The following RNF115 variants were observed in gnomAD, a reference collection of about 807,000 sequenced individuals.
The protein encoded by RNF115 is ring finger protein 115.
In RNF115, 31 loss-of-function variants were observed where a neutral mutation model predicts 39.2. The observed-to-expected ratio is 0.79, with a 90% CI of 0.59 to 1.07. RNF115 has a LOEUF of 1.07. Among genes scored for constraint, RNF115 ranks in the 50% least tolerant of loss-of-function variants. RNF115 has a pLI of 0.00. For missense variants in RNF115, 384 were observed against 381.7 expected (o/e 1.01, Z -0.05); for synonymous variants, 124 against 131.0 (o/e 0.95, Z 0.37).
intron 1 of RNF115, among the ~76,000 whole-genome samples, chr1:145,812,280 C>T (rs2101605578): frequency 6.6e-6 from 1 of 150,468 alleles, no homozygotes; most frequent in South Asian, 2.1e-4. Flanking sequence ...ATTACCTTGT[C>T]TACTAAGAAG....
chr1:145,770,237 G>C (rs1559112911), intron 4 of RNF115, among the ~76,000 whole-genome samples: 1 of 152,102 alleles, frequency 6.6e-6, no homozygotes, highest in Admixed American at 6.5e-5. Flanking sequence ...AACTTTCTTA[G>C]TATGATAGTG....
At chr1:145,764,493 C>T (rs1264573769) in intron 4 of RNF115, among the ~76,000 whole-genome samples, 1 of 152,002 alleles carries the variant, frequency 6.6e-6, no homozygotes, top group African/African-American at 2.4e-5. Flanking sequence ...GCCGCGACCC[C>T]GTCTGGGAGG....
At chr1:145,764,383 A>G (rs1658662713) in intron 4 of RNF115, among the ~76,000 whole-genome samples, 3 of 130,848 alleles carry the variant, frequency 2.3e-5, no homozygotes, top group African/African-American at 5.8e-5. Context: ...CATCCCATCT[A>G]GGAAGTGAGG....
chr1:145,754,132 T>G (rs1658204041), intron 4 of RNF115, among the ~76,000 whole-genome samples: 1 of 152,230 alleles, frequency 6.6e-6, no homozygotes, highest in African/African-American at 2.4e-5. Context: ...ACTACACTAT[T>G]CCGTTTGTTT....
At chr1:145,759,620 T>C (rs1204893010) in intron 4 of RNF115, among the ~76,000 whole-genome samples, 1 of 152,234 alleles carries the variant, frequency 6.6e-6, no homozygotes, top group Admixed American at 6.5e-5. Context: ...TTAAATGGTT[T>C]CTCTGCTGTG....
At position 145,824,030 on chromosome 1, in the gene RNF115, G is replaced by T; in HGVS notation, c.-157C>A. 1 of 523,952 alleles carries T rather than the reference G, an allele frequency of 1.9e-6. No homozygotes were observed. Among genetic ancestry groups the T allele is most frequent in the Admixed American group, 4.4e-5 (1 of 22,944 alleles). 32.5% of individuals were successfully genotyped at this position (523,952 alleles called of 1,614,324 possible). A position where few individuals can be genotyped will look rare whatever the true frequency, so the allele number is the denominator to read the frequency against. ...ACGTGAGTTGGCCAGGCCCAGAAAC[G>T]CGGCGGCGCCAACAGCTACCCTGCG... On this transcript the variant is annotated 5_prime_UTR_variant, in exon 1 of 9. Transcript: ENST00000582693.
At chr1:145,795,349 A>G (rs1161484414) in intron 1 of RNF115, among the ~76,000 whole-genome samples, 1 of 152,074 alleles carries the variant, frequency 6.6e-6, no homozygotes, top group South Asian at 2.1e-4. Context: ...CACAACGCGG[A>G]AGGGACCCAA....
chr1:145,815,111 T>C (rs1649926673), intron 1 of RNF115, among the ~76,000 whole-genome samples: 1 of 152,302 alleles, frequency 6.6e-6, no homozygotes, highest in Non-Finnish European at 1.5e-5. Flanking sequence ...GCTTTTTAGC[T>C]ACTTTTATTA....
intron 4 of RNF115, among the ~76,000 whole-genome samples, chr1:145,771,178 G>C (rs587766722): frequency 5.9e-5 from 9 of 152,332 alleles, no homozygotes; most frequent in African/African-American, 2.2e-4. Flanking sequence ...TTTAAGAGAT[G>C]AATCTCCTGT....
At chr1:145,814,698 T>G in intron 1 of RNF115, among the ~76,000 whole-genome samples, 1 of 152,256 alleles carries the variant, frequency 6.6e-6, no homozygotes, top group Middle Eastern at 3.4e-3. Flanking sequence ...ATTTTCAGAT[T>G]TTTTTCTTCC....
At chr1:145,823,601 G>A (rs1487055069) in intron 1 of RNF115, among the ~76,000 whole-genome samples, 171 bp downstream of exon 1, 2 of 152,212 alleles carry the variant, frequency 1.3e-5, no homozygotes, top group African/African-American at 4.8e-5. Flanking sequence ...GTACGGGGCC[G>A]AGGCCGTGAT....
At chr1:145,764,435 G>A (rs1342567645) in intron 4 of RNF115, among the ~76,000 whole-genome samples, 1 of 151,566 alleles carries the variant, frequency 6.6e-6, no homozygotes, top group Non-Finnish European at 1.5e-5. Flanking sequence ...TGTGGGGAGC[G>A]CCTCGGCCCC....
rs1650279175 is a variant in RNF115, at chr1:145,822,117, A to C, written c.102+1655T>G. Among the ~76,000 whole-genome samples, 3 of 152,236 alleles carry C rather than the reference A, an allele frequency of 2.0e-5. No individual in the cohort carries two copies. The South Asian group carries it at 6.2e-4, about 32-fold the overall frequency. On this transcript the variant is annotated intron_variant, in intron 1 of 8. Transcript: ENST00000582693. ...CGAGTCGGGTGGATCACTTGAGGTC[A>C]AGAGTTCGAGACCAGCCTGGCCAAC...
chr1:145,783,607 A>G (rs1553717743), intron 3 of RNF115, among the ~76,000 whole-genome samples: 1 of 152,176 alleles, frequency 6.6e-6, no homozygotes, highest in African/African-American at 2.4e-5. Flanking sequence ...AATCCTGATT[A>G]TGGGATTTAA....
At chr1:145,747,368 T>C (rs1657913628) in intron 8 of RNF115, among the ~76,000 whole-genome samples, 2 of 152,116 alleles carry the variant, frequency 1.3e-5, no homozygotes, top group Admixed American at 6.5e-5. Flanking sequence ...GACAGGAAAA[T>C]TGGCCGAGTG....
chr1:145,752,196 T>G (rs1021978410), intron 5 of RNF115, among the ~76,000 whole-genome samples: 1 of 152,156 alleles, frequency 6.6e-6, no homozygotes, highest in South Asian at 2.1e-4. Context: ...TTTAATCCCA[T>G]CATACATAAG....
At chr1:145,747,673 T>C (rs1453279022) in intron 8 of RNF115, among the ~76,000 whole-genome samples, 1 of 152,082 alleles carries the variant, frequency 6.6e-6, no homozygotes, top group Non-Finnish European at 1.5e-5. Flanking sequence ...AGAAAATAAG[T>C]ATTTTAGGCT....
At chr1:145,780,778 G>C (rs1553717236) in intron 3 of RNF115, among the ~76,000 whole-genome samples, 1 of 151,962 alleles carries the variant, frequency 6.6e-6, no homozygotes. Flanking sequence ...GCATACCTGA[G>C]AGCTCTTTTT....
chr1:145,814,192 G>A (rs587698426), intron 1 of RNF115, among the ~76,000 whole-genome samples: 1 of 151,752 alleles, frequency 6.6e-6, no homozygotes, highest in Non-Finnish European at 1.5e-5. Flanking sequence ...CCCAGGAGGT[G>A]GAAGCCGCAG....
Sources: allele counts gnomAD v4.1 joint callset (sites outside exome capture counted in the v4.1 genomes callset), GRCh38; gene constraint gnomAD v4.1.1; transcripts MANE v1.5; gene names NCBI Gene and HGNC (gene_info 2026-07-23, HGNC 2026-07-21).